MCCC1: variants seen among roughly 807,000 people sequenced by gnomAD.
MCCC1 encodes methylcrotonyl-CoA carboxylase subunit 1, also known as methylcrotonoyl-CoA carboxylase subunit alpha, mitochondrial.
In MCCC1, 64 loss-of-function variants were observed where a neutral mutation model predicts 83.8. The ratio of observed to expected loss-of-function variants is 0.76; its 90% CI spans 0.62 to 0.94. The LOEUF is 0.94. MCCC1 is among the 40% of genes least tolerant of loss of function. MCCC1 has a pLI of 0.00. For missense variants in MCCC1, 807 were observed against 904.7 expected, an observed-to-expected ratio of 0.89 and a Z score of 1.39; for synonymous variants, 322 against 315.4, an observed-to-expected ratio of 1.02 and a Z score of -0.22.
Position 183,031,491 on chromosome 3 carries a change from C to CTTTTTT in MCCC1, c.1681+2494_1681+2499dup, listed in dbSNP as rs66507233. Among the ~76,000 whole-genome samples the CTTTTTT allele has an allele frequency of 1.6e-3, 117 of 72,702 alleles. 3 individuals are homozygous for CTTTTTT. The highest frequency in any genetic ancestry group is 3.3e-3 in the South Asian group (5 of 1,532). The allele number at this position is 72,702 out of a possible 152,430, so 47.7% of individuals were successfully genotyped here. A position where few individuals can be genotyped will look rare whatever the true frequency, so the allele number is the denominator to read the frequency against. ...TTGGACTCATAAATGCTTCTGGCAC[C>CTTTTTT]TTTTTTTTTTTTTTTTTTTTTTTTG... On this transcript the variant is annotated intron_variant, in intron 14 of 18. Transcript: ENST00000265594.
At chr3:183,101,223 C>T (rs1022027986), upstream of MCCC1, among the ~76,000 whole-genome samples, 4 of 152,262 alleles carry the variant, frequency 2.6e-5, no homozygotes, top group African/African-American at 7.2e-5. Flanking sequence ...CCCCGATGAG[C>T]GCCACCCCCT....
chr3:183,041,044 G>A (rs1714040750), intron 11 of MCCC1, among the ~76,000 whole-genome samples: 1 of 152,156 alleles, frequency 6.6e-6, no homozygotes, highest in African/African-American at 2.4e-5. Context: ...AACACAAGTA[G>A]AAAAATCACC....
At chr3:183,045,157 T>C (rs944485475) in intron 10 of MCCC1, among the ~76,000 whole-genome samples, 2 of 151,830 alleles carry the variant, frequency 1.3e-5, no homozygotes, top group East Asian at 1.9e-4. Context: ...CTCGGCTTAC[T>C]GCAACCTCTG....
intron 1 of MCCC1, among the ~76,000 whole-genome samples, chr3:183,096,672 G>T (rs1035585751): frequency 2.0e-5 from 3 of 152,206 alleles, no homozygotes; most frequent in Non-Finnish European, 4.4e-5. Flanking sequence ...CATCCATGAG[G>T]AGCTGCTGGG....
chr3:183,105,466 C>A (rs1054137997), intron 1 of MCCC1, among the ~76,000 whole-genome samples: 1 of 152,012 alleles, frequency 6.6e-6, no homozygotes, highest in African/African-American at 2.4e-5. Flanking sequence ...AAATAAAAAA[C>A]CATGATTATT....
At chr3:183,018,314 T>C (rs61596430) in intron 17 of MCCC1, among the ~76,000 whole-genome samples, 3 of 81,874 alleles carry the variant, frequency 3.7e-5, no homozygotes, top group African/African-American at 4.4e-5. Flanking sequence ...AGCCCAAATG[T>C]ACTGGTCAAA....
chr3:183,070,155 G>A (rs1034130244), intron 7 of MCCC1, among the ~76,000 whole-genome samples: 14 of 152,230 alleles, frequency 9.2e-5, no homozygotes, highest in African/African-American at 3.4e-4. Flanking sequence ...TAAGTGCAAT[G>A]TAAGTGTTAG....
intron 1 of MCCC1, among the ~76,000 whole-genome samples, chr3:183,113,920 G>C (rs1221914890): frequency 7.2e-5 from 11 of 151,988 alleles, no homozygotes; most frequent in East Asian, 1.9e-4. Context: ...GCTGTCTTGG[G>C]GGGTGAGCCC....
At chr3:183,114,594 T>A (rs775119041) in intron 1 of MCCC1, among the ~76,000 whole-genome samples, 16 of 152,162 alleles carry the variant, frequency 1.1e-4, no homozygotes, top group Non-Finnish European at 2.2e-4. Context: ...CTGTGTTGAT[T>A]GTTATGGTGT....
intron 8 of MCCC1, among the ~76,000 whole-genome samples, chr3:183,052,575 G>A (rs1395788358): frequency 1.3e-5 from 2 of 152,172 alleles, no homozygotes; most frequent in Non-Finnish European, 2.9e-5. Flanking sequence ...TTGGGAGGCT[G>A]AGGCGGGCGG....
chr3:183,112,539 A>C (rs113498204), intron 1 of MCCC1, among the ~76,000 whole-genome samples: 1 of 152,244 alleles, frequency 6.6e-6, no homozygotes, highest in Non-Finnish European at 1.5e-5. Flanking sequence ...TACCATTACA[A>C]GAGTGGGTAG....
At chr3:183,088,932 C>G (rs951985907) in intron 3 of MCCC1, among the ~76,000 whole-genome samples, 4 of 152,164 alleles carry the variant, frequency 2.6e-5, no homozygotes, top group African/African-American at 9.7e-5. Context: ...CGGCAAAAAA[C>G]TGGATGCAGG....
chr3:183,080,307 T>A (rs1023527066), intron 4 of MCCC1, among the ~76,000 whole-genome samples: 1 of 152,254 alleles, frequency 6.6e-6, no homozygotes, highest in Non-Finnish European at 1.5e-5. Flanking sequence ...GTCTCTTGAA[T>A]GCTTTTCTGC....
intron 7 of MCCC1, among the ~76,000 whole-genome samples, chr3:183,060,075 C>T (rs1035724141): frequency 1.3e-5 from 2 of 152,178 alleles, no homozygotes; most frequent in African/African-American, 4.8e-5. Context: ...TCTCCTGCTG[C>T]TTTCTAATTC....
chr3:183,111,760 G>A (rs1190542632), intron 1 of MCCC1, among the ~76,000 whole-genome samples: 4 of 152,182 alleles, frequency 2.6e-5, no homozygotes, highest in African/African-American at 9.7e-5. Flanking sequence ...CATTCATATA[G>A]TCCCAGCAAC....
In MCCC1 at chr3:183,098,198, C is replaced by G. The variant is rs1718883532; in HGVS notation, c.89+1154G>C. ...CCCGCCTCGGCGTCCCAAAGTGCTG[C>G]GATTACAGGCGTGAGCTACCGCGCC... On this transcript the variant is annotated intron_variant, in intron 1 of 18. Transcript: ENST00000265594. Among the ~76,000 whole-genome samples the G allele has an allele frequency of 3.3e-5, 5 of 152,192 alleles. No homozygotes were observed. The South Asian group carries it at 1.0e-3, about 32-fold the overall frequency.
rs7622479 is a variant in MCCC1, at chr3:183,072,461, G to A, written c.396C>T (p.Leu132=). 0.93 allele frequency: 1,496,127 copies of A among 1,613,714 alleles called. 694,792 individuals carry two copies. The highest frequency in any genetic ancestry group is 1 in the East Asian group (44,848 of 44,858). The change falls in exon 5 of 19, where the codon CTC becomes CTT. Residue 132 remains leucine (L), a synonymous_variant. Coordinates refer to ENST00000265594, the MANE Select transcript of MCCC1 (RefSeq NM_020166.5). ...AQAIHPGCGF[L]SENMEFAELC... is the part of the protein sequence containing the mutation. ...GTTCAGCAAATTCCATGTTTTCTGA[G>A]AGAAAACCGCATCCTGGATGGATAG...
intron 4 of MCCC1, 90 bp downstream of exon 4, chr3:183,086,603 G>C (rs956763651): frequency 2.7e-6 from 3 of 1,132,020 alleles, no homozygotes; most frequent in Non-Finnish European, 3.9e-6. Context: ...TCTTGGGAAA[G>C]GCTAAAAATA....
chr3:183,101,978 G>A (rs1036307951), upstream of MCCC1, among the ~76,000 whole-genome samples: 2 of 151,864 alleles, frequency 1.3e-5, no homozygotes, highest in African/African-American at 4.8e-5. Flanking sequence ...AAGAAACTCC[G>A]AACACATCTG....
Sources: allele counts gnomAD v4.1 joint callset (sites outside exome capture counted in the v4.1 genomes callset), GRCh38; gene constraint gnomAD v4.1.1; transcripts MANE v1.5; gene names NCBI Gene and HGNC (gene_info 2026-07-23, HGNC 2026-07-21).